NUCKS1: variants seen among roughly 807,000 people sequenced by gnomAD.
NUCKS1 encodes the protein nuclear casein kinase and cyclin dependent kinase substrate 1, also known as nuclear ubiquitous casein and cyclin-dependent kinase substrate 1.
A neutral mutation model predicts 33.0 loss-of-function variants in NUCKS1; 2 were observed. That is an observed-to-expected ratio of 0.06 (90% CI 0.02 to 0.19). The LOEUF is 0.19. NUCKS1 is among the 10% of genes least tolerant of loss of function. The pLI is 1.00. For synonymous variants in NUCKS1, 106 were observed against 102.8 expected (o/e 1.03, Z -0.19); for missense variants, 201 against 293.6 (o/e 0.68, Z 2.31).
chr1:205,724,003 C>A, intron 3 of NUCKS1, 22 bp from the exon 4 acceptor site: 1 of 1,583,526 alleles, frequency 6.3e-7, no homozygotes, highest in Non-Finnish European at 8.7e-7. Flanking sequence ...GGCAAAAAAG[C>A]AAATGCATAA....
intron 1 of NUCKS1, among the ~76,000 whole-genome samples, chr1:205,733,522 T>C (rs1653964463): frequency 6.6e-6 from 1 of 152,154 alleles, no homozygotes; most frequent in Non-Finnish European, 1.5e-5. Flanking sequence ...GAAAATCATG[T>C]AATTTCTCTG....
chr1:205,744,460 A>AT (rs987343508), intron 1 of NUCKS1, among the ~76,000 whole-genome samples: 4 of 151,846 alleles, frequency 2.6e-5, no homozygotes, highest in Non-Finnish European at 4.4e-5. Context: ...TGAGGAAGTG[A>AT]TTTTTTTTCA....
intron 3 of NUCKS1, among the ~76,000 whole-genome samples, chr1:205,726,855 T>C (rs1212462254): frequency 2.6e-5 from 4 of 152,220 alleles, no homozygotes; most frequent in African/African-American, 9.6e-5. Flanking sequence ...TAATCACCAT[T>C]ATCACCAAGA....
intron 1 of NUCKS1, among the ~76,000 whole-genome samples, chr1:205,734,079 A>G (rs1020233379): frequency 6.6e-6 from 1 of 151,672 alleles, no homozygotes; most frequent in Admixed American, 6.6e-5. Context: ...GGGCCTTTCT[A>G]TGTTTCCCAT....
chr1:205,718,243 T>TAA lies in NUCKS1; in HGVS notation c.*36_*37insTT. On this transcript the variant is annotated 3_prime_UTR_variant, in exon 7 of 7. Transcript: ENST00000367142. ...CTCTTTTTTCTTTTTTTTTCTTTTT[T>TAA]TTTTTAATAAAATCTCTCCCCAGAC... The TAA allele has an allele frequency of 7.7e-7, 1 of 1,294,372 alleles. No individual in the cohort carries two copies. Among genetic ancestry groups the TAA allele is most frequent in the Non-Finnish European group, 1.1e-6 (1 of 934,930 alleles). The allele number at this position is 1,294,372 out of a possible 1,614,324, so 80.2% of individuals were successfully genotyped here.
At chr1:205,730,400 A>G (rs1189381750) in intron 1 of NUCKS1, among the ~76,000 whole-genome samples, 2 of 152,124 alleles carry the variant, frequency 1.3e-5, no homozygotes, top group Non-Finnish European at 2.9e-5. Flanking sequence ...ACATTCTGTT[A>G]TAAGAAAGCA....
At chr1:205,740,796 T>A (rs938748223) in intron 1 of NUCKS1, among the ~76,000 whole-genome samples, 1 of 147,956 alleles carries the variant, frequency 6.8e-6, no homozygotes, top group Non-Finnish European at 1.5e-5. Context: ...CCAGACACAT[T>A]TACTAGATCA....
chr1:205,729,670 T>C, intron 1 of NUCKS1, 49 bp from the exon 2 acceptor site: 1 of 1,320,106 alleles, frequency 7.6e-7, no homozygotes, highest in East Asian at 2.3e-5. Flanking sequence ...GTAGGATTTT[T>C]CTAAGACATC....
chr1:205,732,780 A>AAAAAAAAAAAAAG (rs1491449560), intron 1 of NUCKS1, among the ~76,000 whole-genome samples: 2 of 42,290 alleles, frequency 4.7e-5, no homozygotes, highest in African/African-American at 1.2e-4. Flanking sequence ...ACTCTGTCTC[A>AAAAAAAAAAAAAG]AAAAAAAAAA....
At chr1:205,732,069 A>G (rs1025533249) in intron 1 of NUCKS1, among the ~76,000 whole-genome samples, 11 of 152,228 alleles carry the variant, frequency 7.2e-5, no homozygotes, top group South Asian at 2.1e-4. Context: ...GTATGGATGG[A>G]GGTGAATTCT....
chr1:205,731,764 C>T (rs1390840928), intron 1 of NUCKS1, among the ~76,000 whole-genome samples: 5 of 151,872 alleles, frequency 3.3e-5, no homozygotes, highest in African/African-American at 7.3e-5. Flanking sequence ...TGGTGGCGGG[C>T]GCCTGTAGTC....
intron 4 of NUCKS1, among the ~76,000 whole-genome samples, chr1:205,723,164 AG>A (rs1222818664): frequency 6.6e-6 from 1 of 152,204 alleles, no homozygotes; most frequent in Non-Finnish European, 1.5e-5. Flanking sequence ...AAAACAGCTA[AG>A]CAGAGTGAAT....
Position 205,723,947 on chromosome 1 carries a change from T to C in NUCKS1, c.208A>G (p.Lys70Glu). 1 of 1,611,924 alleles carries C rather than the reference T, an allele frequency of 6.2e-7. No individual in the cohort carries two copies. Among genetic ancestry groups the C allele is most frequent in the Non-Finnish European group, 8.5e-7 (1 of 1,178,320 alleles). The change falls in exon 4 of 7, where the codon AAG becomes GAG. Residue 70 changes from lysine to glutamate, a missense_variant. Lys to Glu is a moderately conservative substitution (Grantham distance 56). Transcript: ENST00000367142. ...DSEDKDVKTK[K>E]DDSHSAEDSE... ...CTACCTGCTGAGTGAGAATCATCCT[T>C]CTTGGTCTTCACATCTTTGTCTTCT...
At chr1:205,739,472 T>A (rs1372201005) in intron 1 of NUCKS1, among the ~76,000 whole-genome samples, 2 of 149,166 alleles carry the variant, frequency 1.3e-5, no homozygotes, top group African/African-American at 2.5e-5. Flanking sequence ...ACAACTCAAA[T>A]TTTTTTTTTT....
At chr1:205,748,186 T>C (rs770566144) in intron 1 of NUCKS1, among the ~76,000 whole-genome samples, 1 of 152,154 alleles carries the variant, frequency 6.6e-6, no homozygotes, top group Non-Finnish European at 1.5e-5. Context: ...ATCCAAGTTT[T>C]CCAGTAAAAA....
chr1:205,729,319 A>G (rs1653853060), intron 2 of NUCKS1, among the ~76,000 whole-genome samples: 2 of 152,200 alleles, frequency 1.3e-5, no homozygotes, highest in South Asian at 4.1e-4. Flanking sequence ...ATTACTGGAC[A>G]TTTAAACTTT....
In NUCKS1 at chr1:205,750,018, A is replaced by AGGG; in HGVS notation, c.-46_-45insCCC. The AGGG allele has an allele frequency of 1.0e-6, 1 of 964,084 alleles. No individual in the cohort carries two copies. The highest frequency in any genetic ancestry group is 1.5e-6 in the Non-Finnish European group (1 of 684,578). 59.7% of individuals were successfully genotyped at this position (964,084 alleles called of 1,614,324 possible). A position where few individuals can be genotyped will look rare whatever the true frequency, so the allele number is the denominator to read the frequency against. ...CCGAGTCGAGAAGCCAAAGACCAGGACCCCCCCCACCCCGCGCGCTCGGCG... is the reference window on the plus strand; with the variant it reads ...CCGAGTCGAGAAGCCAAAGACCAGGAGGGCCCCCCCCACCCCGCGCGCTCGGCG... On this transcript the variant is annotated 5_prime_UTR_variant, in exon 1 of 7. Transcript: ENST00000367142.
intron 1 of NUCKS1, among the ~76,000 whole-genome samples, chr1:205,746,990 G>T (rs1268131068): frequency 6.6e-6 from 1 of 152,240 alleles, no homozygotes; most frequent in Admixed American, 6.5e-5. Flanking sequence ...GTTTGGGCAA[G>T]TCAGTAAATC....
At chr1:205,743,129 A>C (rs1017315047) in intron 1 of NUCKS1, among the ~76,000 whole-genome samples, 1 of 152,266 alleles carries the variant, frequency 6.6e-6, no homozygotes, top group Non-Finnish European at 1.5e-5. Context: ...GCGTAGGCGC[A>C]GTATCCCAGC....
Sources: allele counts gnomAD v4.1 joint callset (sites outside exome capture counted in the v4.1 genomes callset), GRCh38; gene constraint gnomAD v4.1.1; transcripts MANE v1.5; gene names NCBI Gene and HGNC (gene_info 2026-07-23, HGNC 2026-07-21).